The following EXOC6B variants were observed in gnomAD, a reference collection of about 807,000 sequenced individuals.
EXOC6B encodes SEC15 homolog B.
Under a neutral mutation model 113.5 loss-of-function variants are expected in EXOC6B, and 54 were observed. The observed-to-expected ratio is 0.48, with a 90% CI of 0.38 to 0.60. The LOEUF is 0.60. Among genes scored for constraint, EXOC6B ranks in the 20% least tolerant of loss-of-function variants. EXOC6B has a pLI of 0.00. For synonymous variants in EXOC6B, 357 were observed against 339.0 expected (o/e 1.05, Z -0.58); for missense variants, 797 against 977.5 (o/e 0.82, Z 2.46).
At chr2:72,755,044 C>A (rs923204761) in intron 1 of EXOC6B, among the ~76,000 whole-genome samples, 5 of 152,052 alleles carry the variant, frequency 3.3e-5, no homozygotes, top group Admixed American at 6.6e-5. Context: ...AGAATTACTC[C>A]TTAACAGTCA....
At chr2:72,294,053 T>C (rs1461553902) in intron 20 of EXOC6B, among the ~76,000 whole-genome samples, 1 of 150,468 alleles carries the variant, frequency 6.6e-6, no homozygotes, top group Non-Finnish European at 1.5e-5. Flanking sequence ...AAAGTAGTCA[T>C]GATAAGGGAG....
chr2:72,575,337 A>G (rs1034983937), intron 7 of EXOC6B, among the ~76,000 whole-genome samples, 155 bp downstream of exon 7: 1 of 152,264 alleles, frequency 6.6e-6, no homozygotes, highest in Non-Finnish European at 1.5e-5. Flanking sequence ...TATATCTTCA[A>G]TTTCCTTAAA....
chr2:72,191,645 GC>G (rs1274362449), intron 20 of EXOC6B, among the ~76,000 whole-genome samples: 1 of 152,168 alleles, frequency 6.6e-6, no homozygotes, highest in Non-Finnish European at 1.5e-5. Flanking sequence ...ATCCAAACAA[GC>G]CAAAGTGGAA....
At chr2:72,244,511 C>A (rs1354744226) in intron 20 of EXOC6B, among the ~76,000 whole-genome samples, 1 of 151,434 alleles carries the variant, frequency 6.6e-6, no homozygotes, top group African/African-American at 2.4e-5. Context: ...GAAAGAAGAG[C>A]ATATTAAATC....
intron 8 of EXOC6B, among the ~76,000 whole-genome samples, chr2:72,532,705 G>A (rs1156651918): frequency 6.6e-6 from 1 of 152,146 alleles, no homozygotes; most frequent in Admixed American, 6.5e-5. Context: ...CTACTCTGGA[G>A]GCTGAGGCAG....
At chr2:72,631,426 G>GTGTGTGTGTATA (rs1290760055) in intron 6 of EXOC6B, among the ~76,000 whole-genome samples, 18 of 28,158 alleles carry the variant, frequency 6.4e-4, no homozygotes, top group Admixed American at 2.0e-3. Context: ...GTGTGTGTGT[G>GTGTGTGTGTATA]TATATATATA....
intron 18 of EXOC6B, among the ~76,000 whole-genome samples, chr2:72,415,550 CACAA>C (rs1694470977): frequency 6.7e-6 from 1 of 148,740 alleles, no homozygotes; most frequent in African/African-American, 2.5e-5. Context: ...TGTACTCAAT[CACAA>C]ACAGATGCTA....
At chr2:72,185,755 A>T (rs547269290) in intron 20 of EXOC6B, among the ~76,000 whole-genome samples, 18,158 of 114,424 alleles carry the variant, frequency 0.16, 1,239 homozygotes, top group African/African-American at 0.34. Context: ...TTTTTTTTTT[A>T]ATTATACTTT....
chr2:72,269,598 C>A (rs896310565), intron 20 of EXOC6B, among the ~76,000 whole-genome samples: 3 of 152,072 alleles, frequency 2.0e-5, no homozygotes, highest in Non-Finnish European at 4.4e-5. Flanking sequence ...ATTGCTCAAA[C>A]CCAGCAGTTC....
chr2:72,769,339 G>T (rs148811288), intron 1 of EXOC6B, among the ~76,000 whole-genome samples: 130 of 152,294 alleles, frequency 8.5e-4, no homozygotes, highest in African/African-American at 2.9e-3. Flanking sequence ...ATAATGTTGT[G>T]TGGGAACAAA....
rs532595069 is a variant in EXOC6B, at chr2:72,246,617, C to T, written c.2197-62430G>A. Among the ~76,000 whole-genome samples the T allele has an allele frequency of 8.5e-4, 128 of 151,220 alleles. 1 individual carries two copies. Among genetic ancestry groups the T allele is most frequent in the African/African-American group, 3.0e-3 (124 of 41,084 alleles). On this transcript the variant is annotated intron_variant, in intron 20 of 21. Transcript: ENST00000272427. ...CCGCCTCCGAGGTTCATGCCATTCT[C>T]CTGCCTCATCCTCCCGAGTAACTAG...
At chr2:72,609,621 C>A (rs1670951701) in intron 6 of EXOC6B, among the ~76,000 whole-genome samples, 1 of 150,884 alleles carries the variant, frequency 6.6e-6, no homozygotes, top group South Asian at 2.1e-4. Context: ...TCATTAATAT[C>A]TAGGAGTATG....
chr2:72,306,645 A>G (rs2104774135), intron 20 of EXOC6B, among the ~76,000 whole-genome samples: 1 of 152,288 alleles, frequency 6.6e-6, no homozygotes, highest in African/African-American at 2.4e-5. Context: ...TATAAAGATA[A>G]AGGTTATTTT....
At chr2:72,572,961 T>C (rs1704607106) in intron 7 of EXOC6B, among the ~76,000 whole-genome samples, 2 of 152,202 alleles carry the variant, frequency 1.3e-5, no homozygotes, top group Admixed American at 1.3e-4. Context: ...TGATTTGAGA[T>C]ATGGAACCAT....
chr2:72,632,845 C>G (rs1339185694), intron 6 of EXOC6B, among the ~76,000 whole-genome samples: 1 of 152,082 alleles, frequency 6.6e-6, no homozygotes, highest in African/African-American at 2.4e-5. Context: ...CCATTCCCAG[C>G]TAATTTGTTA....
chr2:72,456,632 C>CATAT (rs1697251942), intron 18 of EXOC6B, among the ~76,000 whole-genome samples: 1 of 152,216 alleles, frequency 6.6e-6, no homozygotes, highest in East Asian at 1.9e-4. Flanking sequence ...TTACAAAGTA[C>CATAT]ATATCCTCCT....
intron 8 of EXOC6B, among the ~76,000 whole-genome samples, chr2:72,539,816 C>T (rs1702496509): frequency 6.6e-6 from 1 of 151,548 alleles, no homozygotes; most frequent in African/African-American, 2.4e-5. Flanking sequence ...TATTATTATA[C>T]TTTAAGTTTT....
chr2:72,598,848 G>GA (rs1485099345), intron 6 of EXOC6B, among the ~76,000 whole-genome samples: 1 of 151,964 alleles, frequency 6.6e-6, no homozygotes, highest in Non-Finnish European at 1.5e-5. Context: ...TTAGTTTACT[G>GA]AAAAATATGT....
At chr2:72,529,501 C>A (rs1005482024) in intron 8 of EXOC6B, among the ~76,000 whole-genome samples, 5 of 152,140 alleles carry the variant, frequency 3.3e-5, no homozygotes, top group African/African-American at 1.2e-4. Flanking sequence ...GTGTACCCTC[C>A]ATTTCTGATT....
Sources: gnomAD v4.1 joint callset for allele counts (sites outside exome capture counted in the v4.1 genomes callset) on GRCh38, gnomAD v4.1.1 for gene constraint, MANE v1.5 for transcripts, NCBI Gene and HGNC (gene_info 2026-07-23, HGNC 2026-07-21) for gene names.